LNPEP: variants seen among roughly 807,000 people sequenced by gnomAD.
LNPEP encodes the protein leucyl and cystinyl aminopeptidase.
A neutral mutation model predicts 120.6 loss-of-function variants in LNPEP; 64 were observed. The observed-to-expected ratio is 0.53, with a 90% CI of 0.43 to 0.65. The LOEUF is 0.65. Among genes scored for constraint, LNPEP ranks in the 30% least tolerant of loss-of-function variants. The pLI is 0.00. For missense variants in LNPEP, 1,057 were observed against 1,200.0 expected (o/e 0.88, Z 1.76); for synonymous variants, 435 against 425.4 (o/e 1.02, Z -0.28).
rs1473923810 is a variant in LNPEP at position 97,037,248 on chromosome 5, A to G, written c.*8715A>G. The G allele has an allele frequency of 6.6e-6, 1 of 152,174 alleles. No homozygotes were observed. Among genetic ancestry groups the G allele is most frequent in the Non-Finnish European group, 1.5e-5 (1 of 68,012 alleles). 9.4% of individuals were successfully genotyped at this position (152,174 alleles called of 1,614,324 possible). Reference sequence around the variant, plus strand: ...CATTTTTATATTTAAACACCTATAGAGATCTTCAATTCCTTGAGTCTGAGC... The same window carrying G: ...CATTTTTATATTTAAACACCTATAGGGATCTTCAATTCCTTGAGTCTGAGC... On this transcript the variant is annotated 3_prime_UTR_variant, in exon 18 of 18. Transcript: ENST00000231368.
chr5:97,013,805 TATC>T lies in LNPEP; in HGVS notation c.2195_2197del (p.Ile732del). ...TGAGTGACAAAGACCGAGCCAACCT[TATC>T]AACAACATCTTTGAACTTGCAGGGT... On this transcript the variant is annotated inframe_deletion, in exon 12 of 18. Coordinates refer to ENST00000231368, the MANE Select transcript of LNPEP (RefSeq NM_005575.3). 6.2e-7 allele frequency: 1 copy of T among 1,603,450 alleles called. No individual in the cohort carries two copies. The highest frequency in any genetic ancestry group is 8.5e-7 in the Non-Finnish European group (1 of 1,176,480).
intron 1 of LNPEP, among the ~76,000 whole-genome samples, chr5:96,965,174 C>T (rs1272496734): frequency 6.6e-6 from 1 of 151,988 alleles, no homozygotes; most frequent in Non-Finnish European, 1.5e-5. Context: ...ATCTAGCATT[C>T]GATAGTACAG....
intron 1 of LNPEP, among the ~76,000 whole-genome samples, chr5:96,960,604 T>A (rs1441099460): frequency 6.6e-6 from 1 of 152,210 alleles, no homozygotes; most frequent in East Asian, 1.9e-4. Context: ...TTTCCTTTTA[T>A]GATGACCATA....
At chr5:96,976,825 AAG>A (rs1790009957) in intron 1 of LNPEP, among the ~76,000 whole-genome samples, 1 of 152,170 alleles carries the variant, frequency 6.6e-6, no homozygotes, top group Admixed American at 6.5e-5. Context: ...TCTAATCATT[AAG>A]AGTTTTAAAA....
At chr5:96,940,144 C>A (rs114735039) in intron 1 of LNPEP, among the ~76,000 whole-genome samples, 1 of 152,134 alleles carries the variant, frequency 6.6e-6, no homozygotes, top group Non-Finnish European at 1.5e-5. Context: ...TAGAAACAGC[C>A]CAGTTTTTAA....
chr5:96,994,034 G>T, intron 6 of LNPEP, 63 bp downstream of exon 6: 2 of 1,338,252 alleles, frequency 1.5e-6, no homozygotes, highest in Non-Finnish European at 2.1e-6. Flanking sequence ...TGGAGTTATT[G>T]TTAGCATTTA....
Position 96,944,756 on chromosome 5 carries a change from G to A in LNPEP, c.19+8582G>A, listed in dbSNP as rs186395092. 2.2e-4 allele frequency among the ~76,000 whole-genome samples: 33 copies of A among 151,572 alleles called. 1 individual carries two copies. Among genetic ancestry groups the A allele is most frequent in the Admixed American group, 1.8e-3 (27 of 15,236 alleles). On this transcript the variant is annotated intron_variant, in intron 1 of 17. Transcript: ENST00000231368. ...AGCTAATTTTTGTGTTTTTTCAGTA[G>A]AGATGAGATTTCGCCATATTGCCCA...
intron 8 of LNPEP, 93 bp from the exon 9 acceptor site, chr5:97,003,322 A>T (rs1395662093): frequency 2.7e-6 from 2 of 738,222 alleles, no homozygotes; most frequent in Non-Finnish European, 4.2e-6. Context: ...GTAAATTTTT[A>T]GAATGACTGT....
At chr5:97,028,322 A>G in intron 17 of LNPEP, 80 bp from the exon 18 acceptor site, 1 of 1,321,026 alleles carries the variant, frequency 7.6e-7, no homozygotes. Context: ...CACTAAGTTA[A>G]AGCTTATTTT....
chr5:97,022,447 CTGTT>C lies in LNPEP; in HGVS notation c.2527_2530del (p.Phe843MetfsTer17). 6.2e-7 allele frequency: 1 copy of C among 1,614,052 alleles called. No homozygotes were observed. The highest frequency in any genetic ancestry group is 1.3e-5 in the African/African-American group (1 of 75,024). On this transcript the variant is annotated frameshift_variant, in exon 14 of 18. Transcript: ENST00000231368. LOFTEE classifies it high-confidence loss of function. ...GAACTGCTCTACTACTGCCATGAAA[CTGTT>C]TGATGACTGGATGGCATCCAATGGA...
intron 16 of LNPEP, among the ~76,000 whole-genome samples, chr5:97,027,128 C>T (rs973341216): frequency 2.0e-5 from 3 of 152,054 alleles, no homozygotes; most frequent in East Asian, 1.9e-4. Flanking sequence ...CCGAGATGGG[C>T]GGATCACGAG....
intron 6 of LNPEP, among the ~76,000 whole-genome samples, chr5:96,994,274 A>G (rs1790456305): frequency 6.6e-6 from 1 of 152,222 alleles, no homozygotes; most frequent in Non-Finnish European, 1.5e-5. Flanking sequence ...GCCATAAGTC[A>G]TACAGCTAAT....
chr5:96,994,878 G>C (rs539426945), intron 6 of LNPEP, among the ~76,000 whole-genome samples: 1 of 152,196 alleles, frequency 6.6e-6, no homozygotes, highest in Non-Finnish European at 1.5e-5. Flanking sequence ...GAGAGGCGGA[G>C]GCAGGCGTAT....
chr5:96,976,702 C>A (rs1217708320), intron 1 of LNPEP, among the ~76,000 whole-genome samples: 1 of 151,712 alleles, frequency 6.6e-6, no homozygotes, highest in African/African-American at 2.4e-5. Flanking sequence ...ATAATCTTCC[C>A]ATGTGTGGTA....
At chr5:96,948,935 G>C (rs1477828824) in intron 1 of LNPEP, among the ~76,000 whole-genome samples, 7 of 152,148 alleles carry the variant, frequency 4.6e-5, no homozygotes, top group Admixed American at 4.6e-4. Flanking sequence ...CTAGCTCTCT[G>C]ATTCTTAAGG....
chr5:96,936,323 G>A, intron 1 of LNPEP, 149 bp downstream of exon 1: 1 of 576,560 alleles, frequency 1.7e-6, no homozygotes, highest in East Asian at 3.6e-5. Context: ...GAGGGGATCT[G>A]GGGGAGGCAG....
intron 7 of LNPEP, among the ~76,000 whole-genome samples, chr5:96,997,765 A>G (rs576210388): frequency 2.0e-5 from 3 of 152,084 alleles, no homozygotes; most frequent in Non-Finnish European, 4.4e-5. Flanking sequence ...TAATTTTCCC[A>G]TATGCTGTTG....
rs779368369 is a variant in LNPEP at position 96,954,697 on chromosome 5, TATATAC to T, written c.19+18529_19+18534del. ...ATACACATATATACATATATACACA[TATATAC>T]ATATATACACATATATATACATATA... On this transcript the variant is annotated intron_variant, in intron 1 of 17. Transcript: ENST00000231368. Among the ~76,000 whole-genome samples the T allele has an allele frequency of 9.7e-3, 703 of 72,172 alleles. 158 individuals are homozygous for T. Among genetic ancestry groups the T allele is most frequent in the African/African-American group, 0.014 (226 of 15,970 alleles). The allele number at this position is 72,172 out of a possible 152,430, so 47.3% of individuals were successfully genotyped here.
chr5:96,980,150 G>T (rs929936974), intron 2 of LNPEP, among the ~76,000 whole-genome samples, 172 bp downstream of exon 2: 3 of 151,924 alleles, frequency 2.0e-5, no homozygotes, highest in African/African-American at 7.3e-5. Flanking sequence ...CTTAGTCAAC[G>T]CCTTGAGCAT....
Sources: gnomAD v4.1 joint callset for allele counts (sites outside exome capture counted in the v4.1 genomes callset) on GRCh38, gnomAD v4.1.1 for gene constraint, MANE v1.5 for transcripts, NCBI Gene and HGNC (gene_info 2026-07-23, HGNC 2026-07-21) for gene names.